The following REV1 variants were observed in gnomAD, a reference collection of about 807,000 sequenced individuals.
REV1 encodes the protein translesion synthesis protein REV1.
A neutral mutation model predicts 137.4 loss-of-function variants in REV1; 42 were observed. That is an observed-to-expected ratio of 0.31 (90% CI 0.24 to 0.40). The LOEUF (loss-of-function observed/expected upper bound fraction) is 0.40. Among genes scored for constraint, REV1 ranks in the 10% least tolerant of loss-of-function variants. The pLI, the probability that REV1 is intolerant of heterozygous loss-of-function variation, is 1.00. For missense variants in REV1, 1,282 were observed against 1,490.1 expected (o/e 0.86, Z 2.30); for synonymous variants, 524 against 519.2 (o/e 1.01, Z -0.12).
intron 1 of REV1, among the ~76,000 whole-genome samples, chr2:99,485,628 T>C (rs1001883667): frequency 6.6e-6 from 1 of 152,218 alleles, no homozygotes; most frequent in Non-Finnish European, 1.5e-5. Context: ...GGGCGGTTGT[T>C]GAGATAATCA....
intron 1 of REV1, among the ~76,000 whole-genome samples, chr2:99,473,542 T>A (rs1685648491): frequency 6.6e-6 from 1 of 152,204 alleles, no homozygotes; most frequent in Non-Finnish European, 1.5e-5. Context: ...TGCGTGTCTT[T>A]CATGTATTTA....
chr2:99,445,814 C>T (rs1682130563), intron 4 of REV1, among the ~76,000 whole-genome samples: 1 of 152,140 alleles, frequency 6.6e-6, no homozygotes, highest in South Asian at 2.1e-4. Flanking sequence ...ATAACCATGC[C>T]TACATTAACT....
intron 3 of REV1, among the ~76,000 whole-genome samples, chr2:99,455,780 G>T (rs1043240119): frequency 1.3e-5 from 2 of 152,192 alleles, no homozygotes; most frequent in African/African-American, 4.8e-5. Flanking sequence ...AAACATCAAT[G>T]TAAGCTGTCA....
At chr2:99,435,718 A>G in intron 7 of REV1, 116 bp downstream of exon 7, 1 of 574,516 alleles carries the variant, frequency 1.7e-6, no homozygotes, top group Non-Finnish European at 3.0e-6. Flanking sequence ...AAAATTTGGA[A>G]GAACCGATTT....
At chr2:99,424,759 A>G (rs1245519304) in intron 9 of REV1, 1 of 1,302,996 alleles carries the variant, frequency 7.7e-7, no homozygotes, top group Non-Finnish European at 1.0e-6. Context: ...GACAAAATGT[A>G]CTCATCCTAT....
At chr2:99,439,897 G>C (rs976428232) in intron 5 of REV1, among the ~76,000 whole-genome samples, 26 of 152,262 alleles carry the variant, frequency 1.7e-4, no homozygotes, top group African/African-American at 6.3e-4. Context: ...TACGAAACCA[G>C]ATGGTTTCAG....
rs373850478 is a variant in REV1, at chr2:99,454,550, CAAAAAAAAAAAAAAAAAAAAAAA to C, written c.182-5069_182-5047del. 2.0e-3 allele frequency among the ~76,000 whole-genome samples: 163 copies of C among 82,364 alleles called. 2 individuals carry two copies. Among genetic ancestry groups the C allele is most frequent in the East Asian group, 3.5e-3 (7 of 2,028 alleles). The allele number at this position is 82,364 out of a possible 152,430, so 54.0% of individuals were successfully genotyped here. Reference sequence around the variant, plus strand: ...GGGCAACAAGAGTGAAACTCCAGCTCAAAAAAAAAAAAAAAAAAAAAAAAAAAAAAAAAAAAAAAAACCCAAAA... The same window carrying C: ...GGGCAACAAGAGTGAAACTCCAGCTCAAAAAAAAAAAAAAAAAACCCAAAA... On this transcript the variant is annotated intron_variant, in intron 3 of 22. Transcript: ENST00000258428.
chr2:99,424,719 A>C, intron 9 of REV1: 1 of 1,274,672 alleles, frequency 7.8e-7, no homozygotes, highest in Non-Finnish European at 1.0e-6. Context: ...AAACAAAAGA[A>C]CTACACAAAA....
chr2:99,462,399 T>C (rs1413607720), intron 3 of REV1, 97 bp downstream of exon 3: 7 of 1,138,510 alleles, frequency 6.1e-6, no homozygotes, highest in Non-Finnish European at 8.7e-6. Flanking sequence ...CAATCATTTG[T>C]CTATAATAAA....
rs1213078056 is a variant in REV1 at position 99,434,458 on chromosome 2, A to G, written c.1322-10T>C. The G allele has an allele frequency of 1.9e-6, 3 of 1,567,946 alleles. No homozygotes were observed. Among genetic ancestry groups the G allele is most frequent in the Non-Finnish European group, 2.6e-6 (3 of 1,150,830 alleles). Reference sequence around the variant, plus strand: ...ACAGCCACTGGTTTTCCTGTGAGGAAAATATTAAATTATTTCTGTATGTGG... The same window carrying G: ...ACAGCCACTGGTTTTCCTGTGAGGAGAATATTAAATTATTTCTGTATGTGG... On this transcript the variant is annotated splice_polypyrimidine_tract_variant and intron_variant, in intron 7 of 22. Transcript: ENST00000258428.
chr2:99,468,350 A>T (rs1380740702), intron 1 of REV1, among the ~76,000 whole-genome samples: 1 of 152,218 alleles, frequency 6.6e-6, no homozygotes, highest in East Asian at 1.9e-4. Context: ...GACTTTCCCT[A>T]GAACGGAGGA....
chr2:99,441,377 A>T (rs999605564), intron 5 of REV1, among the ~76,000 whole-genome samples: 2 of 152,162 alleles, frequency 1.3e-5, no homozygotes, highest in Non-Finnish European at 2.9e-5. Flanking sequence ...GAGAAGGCTA[A>T]CCATAATGAA....
At chr2:99,453,892 CAAAAAAAAAAAAA>C (rs58291328) in intron 3 of REV1, among the ~76,000 whole-genome samples, 1 of 48,036 alleles carries the variant, frequency 2.1e-5, no homozygotes, top group African/African-American at 8.2e-5. Flanking sequence ...GGCTCTGTCT[CAAAAAAAAAAAAA>C]AAAAAAAAAA....
chr2:99,423,863 G>A (rs914667421), intron 10 of REV1, among the ~76,000 whole-genome samples: 1 of 152,144 alleles, frequency 6.6e-6, no homozygotes, highest in Non-Finnish European at 1.5e-5. Flanking sequence ...GGCTCCATGG[G>A]AAGAAAACCA....
chr2:99,451,965 T>A (rs71413838), intron 3 of REV1, among the ~76,000 whole-genome samples: 8 of 152,122 alleles, frequency 5.3e-5, no homozygotes, highest in African/African-American at 1.7e-4. Context: ...TTTTTTTTTT[T>A]AATTTTTACA....
At chr2:99,421,357 G>T in intron 11 of REV1, 142 bp downstream of exon 11, 1 of 592,072 alleles carries the variant, frequency 1.7e-6, no homozygotes, top group Non-Finnish European at 2.9e-6. Flanking sequence ...CACTTATCTC[G>T]TGTGTCACAC....
intron 3 of REV1, among the ~76,000 whole-genome samples, chr2:99,460,277 A>G (rs1213037773): frequency 1.3e-5 from 2 of 152,072 alleles, no homozygotes; most frequent in African/African-American, 4.8e-5. Context: ...GGGTTTCACC[A>G]TGTTGGCCAG....
chr2:99,430,564 G>A (rs755838583), intron 8 of REV1, among the ~76,000 whole-genome samples: 22 of 151,942 alleles, frequency 1.4e-4, no homozygotes, highest in South Asian at 2.1e-4. Context: ...ATTGTATTTT[G>A]GTTTAATAAT....
At chr2:99,436,990 G>GTTTTTTTT (rs749608176) in intron 6 of REV1, among the ~76,000 whole-genome samples, 7 of 128,916 alleles carry the variant, frequency 5.4e-5, no homozygotes, top group Non-Finnish European at 6.6e-5. Flanking sequence ...CTTTTTTTTT[G>GTTTTTTTT]TTTTTTTTTT....
Sources: gnomAD v4.1 joint callset for allele counts (sites outside exome capture counted in the v4.1 genomes callset) on GRCh38, gnomAD v4.1.1 for gene constraint, MANE v1.5 for transcripts, NCBI Gene and HGNC (gene_info 2026-07-23, HGNC 2026-07-21) for gene names.